The following HLA-DRB1 variants were observed in gnomAD, a reference collection of about 807,000 sequenced individuals.
HLA-DRB1 encodes the protein major histocompatibility complex, class II, DR beta 1 precursor.
In HLA-DRB1, 10 loss-of-function variants were observed where a neutral mutation model predicts 27.9. The observed-to-expected ratio is 0.36, with a 90% confidence interval of 0.22 to 0.61. The LOEUF (loss-of-function observed/expected upper bound fraction) is 0.61, where lower values mean the gene tolerates loss of function less well. Among genes scored for constraint, HLA-DRB1 ranks in the 20% least tolerant of loss-of-function variants. The pLI is 0.73. For synonymous variants in HLA-DRB1, 57 were observed against 126.7 expected (o/e 0.45, Z 3.69); for missense variants, 118 against 306.3 (o/e 0.39, Z 4.59).
chr6:32,584,119 C>G (rs45594032), exon 2 of HLA-DRB1: 2 of 1,399,774 alleles, frequency 1.4e-6, no homozygotes, highest in Non-Finnish European at 1.9e-6. Context: ...CTCGCCGCTG[C>G]ACTGTGAAGC....
intron 2 of HLA-DRB1, among the ~76,000 whole-genome samples, chr6:32,582,198 GTTT>G (rs141131278): frequency 2.9e-5 from 4 of 136,928 alleles, no homozygotes; most frequent in South Asian, 2.3e-4. Context: ...TCCTGGAAGA[GTTT>G]TTTGATTCTT....
At chr6:32,584,653 C>T (rs36178790) in intron 1 of HLA-DRB1, among the ~76,000 whole-genome samples, 1,702 of 146,762 alleles carry the variant, frequency 0.012, 70 homozygotes, top group South Asian at 0.04. Flanking sequence ...CAAGCAGGAG[C>T]TGGAGGAGGA....
At chr6:32,586,053 C>A (rs1217463067) in intron 1 of HLA-DRB1, among the ~76,000 whole-genome samples, 1 of 83,774 alleles carries the variant, frequency 1.2e-5, no homozygotes, top group Non-Finnish European at 2.6e-5. Flanking sequence ...TAAATATTGG[C>A]TGTGTGAAAT....
At position 32,584,066 on chromosome 6, in the gene HLA-DRB1, C is replaced by T. The variant is rs41285653; in HGVS notation, c.370+43G>A. 408 of 610,794 alleles carry T rather than the reference C, an allele frequency of 6.7e-4. 21 individuals carry two copies. The highest frequency in any genetic ancestry group is 3.3e-3 in the Middle Eastern group (7 of 2,132). 37.8% of individuals were successfully genotyped at this position (610,794 alleles called of 1,614,324 possible). On this transcript the variant is annotated intron_variant, in intron 2 of 5. Coordinates refer to ENST00000360004, the Ensembl canonical transcript of HLA-DRB1. The stretch of plus-strand genomic sequence containing the variant: ...ACACACACACACACACACTCAGATT[C>T]CCAGCTCACGGGGACTCAGGCCCCG...
intron 1 of HLA-DRB1, among the ~76,000 whole-genome samples, chr6:32,584,716 TC>T (rs879348066): frequency 0.24 from 11,407 of 47,924 alleles, 4 homozygotes; most frequent in Admixed American, 0.34. Flanking sequence ...CCAAAGACAC[TC>T]TCTGCTCCTC....
At chr6:32,585,521 A>G (rs111783003) in intron 1 of HLA-DRB1, among the ~76,000 whole-genome samples, 31,912 of 93,020 alleles carry the variant, frequency 0.34, 2,833 homozygotes, top group Admixed American at 0.41. Flanking sequence ...ACACTCGAAT[A>G]CATTCCCATT....
At chr6:32,587,704 T>C (rs35472246) in intron 1 of HLA-DRB1, among the ~76,000 whole-genome samples, 17,132 of 84,064 alleles carry the variant, frequency 0.2, 2,661 homozygotes, top group Admixed American at 0.32. Context: ...ACATATGAAC[T>C]AAAGTAGGTG....
rs557862320 is a variant in HLA-DRB1 at position 32,582,808 on chromosome 6, C to T, written c.371-970G>A. On this transcript the variant is annotated intron_variant, in intron 2 of 5. Transcript: ENST00000360004. ...TTAAGGCAGTGTCTGGGACTCGTTA[C>T]TTGGGGTGCTTATGCCCAGGAAAAT... Among the ~76,000 whole-genome samples, 1,050 of 131,770 alleles carry T rather than the reference C, an allele frequency of 8.0e-3. 17 individuals are homozygous for T. The highest frequency in any genetic ancestry group is 0.026 in the South Asian group (104 of 4,058). 86.4% of individuals were successfully genotyped at this position (131,770 alleles called of 152,430 possible).
intron 1 of HLA-DRB1, among the ~76,000 whole-genome samples, chr6:32,587,595 G>GC (rs1776655581): frequency 1.6e-5 from 1 of 60,654 alleles, no homozygotes; most frequent in Non-Finnish European, 3.3e-5. Flanking sequence ...GCTTTCCCCC[G>GC]ATTCGGTCTC....
intron 1 of HLA-DRB1, among the ~76,000 whole-genome samples, chr6:32,587,850 A>T (rs9270165): frequency 0.1 from 13,627 of 133,162 alleles, 1,191 homozygotes; most frequent in Non-Finnish European, 0.12. Flanking sequence ...CCATGAGAGT[A>T]GGGACGCTCT....
chr6:32,588,447 C>A lies in HLA-DRB1; in HGVS notation c.100+1196G>T, dbSNP rs1345566928. Among the ~76,000 whole-genome samples the A allele has an allele frequency of 2.2e-5, 2 of 90,556 alleles. 1 individual carries two copies. The highest frequency in any genetic ancestry group is 4.6e-5 in the Non-Finnish European group (2 of 43,056). 59.4% of individuals were successfully genotyped at this position (90,556 alleles called of 152,430 possible). On this transcript the variant is annotated intron_variant, in intron 1 of 5. Transcript: ENST00000360004. ...ATAGACTGGGTGACAGAGCCAGGCC[C>A]TACCTCAAAAAGAGAAAAAAAGTCT...
chr6:32,580,785 G>T, exon 4 of HLA-DRB1: 1 of 1,613,264 alleles, frequency 6.2e-7, no homozygotes, highest in Non-Finnish European at 8.5e-7. Flanking sequence ...CCGGCCCCAA[G>T]GAAGAGCAGG....
intron 1 of HLA-DRB1, among the ~76,000 whole-genome samples, chr6:32,587,622 C>A (rs9270156): frequency 0.026 from 1,539 of 59,220 alleles, no homozygotes; most frequent in Middle Eastern, 0.1. Context: ...ACTTTCATCC[C>A]TTAGATCTTC....
intron 1 of HLA-DRB1, among the ~76,000 whole-genome samples, chr6:32,589,030 G>C (rs35499803): frequency 0.011 from 1,008 of 94,770 alleles, 54 homozygotes; most frequent in African/African-American, 0.012. Flanking sequence ...TTCAGTTCCA[G>C]GGACTTTTCC....
At chr6:32,585,863 G>GT (rs151016916) in intron 1 of HLA-DRB1, among the ~76,000 whole-genome samples, 19,289 of 128,140 alleles carry the variant, frequency 0.15, 1 homozygote, top group East Asian at 0.2. Context: ...AGATGTATAT[G>GT]TTTTTAAATA....
intron 2 of HLA-DRB1, among the ~76,000 whole-genome samples, chr6:32,582,508 A>G (rs34166171): frequency 0.28 from 27,187 of 96,226 alleles, 4,361 homozygotes; most frequent in East Asian, 0.38. Context: ...TATGAATTTT[A>G]GGAATACTAC....
intron 1 of HLA-DRB1, among the ~76,000 whole-genome samples, chr6:32,585,652 A>G (rs145474985): frequency 0.24 from 28,324 of 118,680 alleles, 3,371 homozygotes; most frequent in East Asian, 0.3. Context: ...AGTTTCATAA[A>G]GAATTGTCAT....
chr6:32,580,567 T>C (rs1207695356), intron 4 of HLA-DRB1, among the ~76,000 whole-genome samples, 179 bp downstream of exon 4: 3 of 131,210 alleles, frequency 2.3e-5, no homozygotes, highest in Non-Finnish European at 3.4e-5. Flanking sequence ...CACAAGCTAT[T>C]ATGCTTTCAC....
At chr6:32,584,536 C>A (rs9269974) in intron 1 of HLA-DRB1, among the ~76,000 whole-genome samples, 158 bp from the exon 2 acceptor site, 28,194 of 124,134 alleles carry the variant, frequency 0.23, 3,353 homozygotes, top group Admixed American at 0.27. Flanking sequence ...GCTCATCCTC[C>A]GTCTTCCTGA....
Sources: gnomAD v4.1 joint callset for allele counts (sites outside exome capture counted in the v4.1 genomes callset) on GRCh38, gnomAD v4.1.1 for gene constraint, MANE v1.5 for transcripts, NCBI Gene and HGNC (gene_info 2026-07-23, HGNC 2026-07-21) for gene names.